The following SUFU variants were observed in gnomAD, a reference collection of about 807,000 sequenced individuals.
SUFU encodes SUFU negative regulator of hedgehog signaling.
A neutral mutation model predicts 58.9 loss-of-function variants in SUFU; 7 were observed. That is an observed-to-expected ratio of 0.12 (90% CI 0.07 to 0.22). SUFU has a LOEUF of 0.22. Ranked by LOEUF, SUFU falls within the 10% of genes least tolerant of loss-of-function variation. The pLI is 1.00. For synonymous variants in SUFU, 232 were observed against 254.8 expected (o/e 0.91, Z 0.85); for missense variants, 451 against 641.3 (o/e 0.70, Z 3.20).
intron 3 of SUFU, among the ~76,000 whole-genome samples, chr10:102,583,054 G>A (rs968824376): frequency 1.3e-5 from 2 of 152,178 alleles, no homozygotes; most frequent in East Asian, 1.9e-4. Context: ...GGGGCCAAGA[G>A]CTTCCCAGGG....
In SUFU at chr10:102,631,627, C is replaced by G. The variant is rs1590096468; in HGVS notation, c.*1472C>G. ...CTGCCTCTGCTGCACACACAGGCAC[C>G]AGCAGGGATGCCACAGGAGTGCCCA... On this transcript the variant is annotated 3_prime_UTR_variant, in exon 12 of 12. Coordinates refer to ENST00000369902, the MANE Select transcript of SUFU (RefSeq NM_016169.4). 20 of 233,410 alleles carry G rather than the reference C, an allele frequency of 8.6e-5. No homozygotes were observed. In the East Asian group the frequency reaches 1.2e-3, roughly 14 times the overall value. The allele number at this position is 233,410 out of a possible 1,614,324, so 14.5% of individuals were successfully genotyped here.
rs781111693 is a variant in SUFU, at chr10:102,617,565, G to C, written c.1296+137G>C. 8.8e-5 allele frequency: 109 copies of C among 1,237,250 alleles called. No homozygotes were observed. The highest frequency in any genetic ancestry group is 1.2e-4 in the Non-Finnish European group (101 of 856,372). The allele number at this position is 1,237,250 out of a possible 1,614,324, so 76.6% of individuals were successfully genotyped here. A position where few individuals can be genotyped will look rare whatever the true frequency, so the allele number is the denominator to read the frequency against. On this transcript the variant is annotated intron_variant, in intron 10 of 11. Coordinates refer to ENST00000369902, the MANE Select transcript of SUFU (RefSeq NM_016169.4). The surrounding 1 kb of genome is among the most constrained non-coding windows in gnomAD (Gnocchi z 4.4). ...GAATGCCTCATGGATTCAGGGCCTG[G>C]GGCCTGTGTGTAGGTATGGAGTGTG...
chr10:102,593,745 G>A, intron 5 of SUFU, 24 bp downstream of exon 5: 1 of 1,611,820 alleles, frequency 6.2e-7, no homozygotes, highest in East Asian at 2.2e-5. Context: ...CAAGGTGGGA[G>A]CGCGGCTCCC....
intron 10 of SUFU, among the ~76,000 whole-genome samples, chr10:102,626,078 GT>G (rs1360064262): frequency 3.3e-4 from 50 of 152,212 alleles, no homozygotes; most frequent in African/African-American, 9.9e-4. Flanking sequence ...GAGAAGACAG[GT>G]AGAGCTGTGG....
At chr10:102,524,664 T>G (rs2062589710) in intron 2 of SUFU, among the ~76,000 whole-genome samples, 1 of 152,230 alleles carries the variant, frequency 6.6e-6, no homozygotes, top group African/African-American at 2.4e-5. Flanking sequence ...ATGTCTATTA[T>G]GCTTTAAGAA....
chr10:102,569,461 T>C (rs2063139207), intron 3 of SUFU, among the ~76,000 whole-genome samples: 1 of 152,186 alleles, frequency 6.6e-6, no homozygotes, highest in Non-Finnish European at 1.5e-5. Flanking sequence ...TCTGTGGCTC[T>C]TGGAAAGCCC....
intron 2 of SUFU, among the ~76,000 whole-genome samples, chr10:102,524,816 C>T (rs1316148188): frequency 6.6e-6 from 1 of 152,160 alleles, no homozygotes; most frequent in Non-Finnish European, 1.5e-5. Flanking sequence ...AATGTTTCTC[C>T]AGTACATCAG....
intron 3 of SUFU, among the ~76,000 whole-genome samples, chr10:102,575,163 A>G (rs2063201891): frequency 6.6e-6 from 1 of 152,066 alleles, no homozygotes; most frequent in Non-Finnish European, 1.5e-5. Flanking sequence ...ACAGTGAGCC[A>G]TAATGGTGCC....
chr10:102,535,496 A>AAG (rs1554844699), intron 2 of SUFU, among the ~76,000 whole-genome samples: 3 of 151,844 alleles, frequency 2.0e-5, no homozygotes, highest in Non-Finnish European at 4.4e-5. Flanking sequence ...AAAAAAAAAA[A>AAG]AAGAGAAAGA....
At chr10:102,623,287 A>G (rs1013436473) in intron 10 of SUFU, among the ~76,000 whole-genome samples, 1 of 152,204 alleles carries the variant, frequency 6.6e-6, no homozygotes, top group Non-Finnish European at 1.5e-5. Context: ...AACTGTCAAG[A>G]TATATGTATT....
At chr10:102,532,372 G>A (rs2062686673) in intron 2 of SUFU, among the ~76,000 whole-genome samples, 1 of 152,216 alleles carries the variant, frequency 6.6e-6, no homozygotes, top group African/African-American at 2.4e-5. Flanking sequence ...CTGGTTTTCT[G>A]TTGCTGCAAA....
chr10:102,609,995 A>AAT (rs2063605574), intron 8 of SUFU, among the ~76,000 whole-genome samples: 1 of 152,222 alleles, frequency 6.6e-6, no homozygotes, highest in Non-Finnish European at 1.5e-5. Context: ...CAGGCTTGCC[A>AAT]GACCATCCTC....
chr10:102,593,980 T>A lies in SUFU; in HGVS notation c.684-13T>A. 6.2e-7 allele frequency: 1 copy of A among 1,614,140 alleles called. No individual in the cohort carries two copies. Among genetic ancestry groups the A allele is most frequent in the South Asian group, 1.1e-5 (1 of 91,090 alleles). On this transcript the variant is annotated splice_polypyrimidine_tract_variant and intron_variant, in intron 5 of 11. Coordinates refer to ENST00000369902, the MANE Select transcript of SUFU (RefSeq NM_016169.4). ...CCCTCAGTTACCATTGTATCCCCTT[T>A]CCTTGTCCACAGTGCTGGCGGCCCC...
intron 10 of SUFU, among the ~76,000 whole-genome samples, chr10:102,624,312 CCA>C (rs1257355205): frequency 6.6e-6 from 1 of 152,208 alleles, no homozygotes; most frequent in Non-Finnish European, 1.5e-5. Flanking sequence ...CTGTCTATCT[CCA>C]GTGTCCTGTT....
chr10:102,602,178 G>A (rs201810478), intron 8 of SUFU, among the ~76,000 whole-genome samples: 2 of 152,168 alleles, frequency 1.3e-5, no homozygotes, highest in Non-Finnish European at 1.5e-5. Context: ...TCCTGTGGTC[G>A]ATAATCTTAC....
At chr10:102,591,623 A>G (rs2063402730) in intron 3 of SUFU, 2 of 152,196 alleles carry the variant, frequency 1.3e-5, no homozygotes, top group African/African-American at 2.4e-5. Context: ...GAAGTGTTCC[A>G]TATTAAAAAA....
At chr10:102,531,720 G>T (rs2062679751) in intron 2 of SUFU, among the ~76,000 whole-genome samples, 1 of 152,186 alleles carries the variant, frequency 6.6e-6, no homozygotes, top group Non-Finnish European at 1.5e-5. Context: ...TAAAGGAATA[G>T]CATAGGGGAT....
chr10:102,568,950 A>C (rs1286735339), intron 3 of SUFU, among the ~76,000 whole-genome samples: 6 of 98,370 alleles, frequency 6.1e-5, no homozygotes, highest in Non-Finnish European at 1.2e-4. Context: ...ATATATATAT[A>C]TATATATATA....
At chr10:102,586,707 A>G (rs1421821835) in intron 3 of SUFU, among the ~76,000 whole-genome samples, 1 of 152,236 alleles carries the variant, frequency 6.6e-6, no homozygotes, top group Non-Finnish European at 1.5e-5. Context: ...TATATGTAAC[A>G]TAAAATTTAT....
Sources: allele counts gnomAD v4.1 joint callset (sites outside exome capture counted in the v4.1 genomes callset), GRCh38; gene constraint gnomAD v4.1.1; non-coding constraint Gnocchi (gnomAD v3.1); transcripts MANE v1.5; gene names NCBI Gene and HGNC (gene_info 2026-07-23, HGNC 2026-07-21).